The following L3MBTL4 variants were observed in gnomAD, a reference collection of about 807,000 sequenced individuals.
L3MBTL4 encodes the protein lethal(3)malignant brain tumor-like protein 4.
In L3MBTL4, 70 loss-of-function variants were observed where a neutral mutation model predicts 84.5. The observed-to-expected ratio is 0.83, with a 90% CI of 0.68 to 1.01. The LOEUF (loss-of-function observed/expected upper bound fraction) is 1.01, where lower values mean the gene tolerates loss of function less well. L3MBTL4 is among the 50% of genes least tolerant of loss of function. L3MBTL4 has a pLI of 0.00. For missense variants in L3MBTL4, 715 were observed against 754.8 expected, an observed-to-expected ratio of 0.95 and a Z score of 0.62; for synonymous variants, 274 against 259.8, an observed-to-expected ratio of 1.05 and a Z score of -0.52.
chr18:6,181,178 A>G (rs2044455816), intron 12 of L3MBTL4, among the ~76,000 whole-genome samples: 1 of 151,162 alleles, frequency 6.6e-6, no homozygotes, highest in South Asian at 2.1e-4. Flanking sequence ...TTTGCATTTT[A>G]CATTCTTTTT....
chr18:6,021,809 C>T (rs2055283633), intron 16 of L3MBTL4, among the ~76,000 whole-genome samples: 3 of 152,126 alleles, frequency 2.0e-5, no homozygotes, highest in Admixed American at 6.5e-5. Context: ...CCAGCTCTTC[C>T]TGCCTCCCCT....
intron 1 of L3MBTL4, among the ~76,000 whole-genome samples, chr18:6,331,688 AT>A (rs1019317245): frequency 6.6e-6 from 1 of 152,158 alleles, no homozygotes; most frequent in Non-Finnish European, 1.5e-5. Context: ...GATACGAACA[AT>A]TTTTTGGTTT....
intron 5 of L3MBTL4, among the ~76,000 whole-genome samples, chr18:6,245,342 G>A (rs76612695): frequency 0.021 from 3,191 of 152,158 alleles, 118 homozygotes; most frequent in African/African-American, 0.074. Flanking sequence ...ATGAAGTTGT[G>A]TGTCCTATGA....
intron 16 of L3MBTL4, among the ~76,000 whole-genome samples, chr18:5,975,545 C>T (rs1042311136): frequency 6.6e-6 from 1 of 152,184 alleles, no homozygotes; most frequent in African/African-American, 2.4e-5. Flanking sequence ...CAGCTGGGAA[C>T]GTTGTTTTCT....
At chr18:6,159,505 G>A (rs879423159) in intron 13 of L3MBTL4, among the ~76,000 whole-genome samples, 2 of 152,118 alleles carry the variant, frequency 1.3e-5, no homozygotes, top group Admixed American at 6.5e-5. Context: ...AAGATGAATC[G>A]AAACACCTCT....
chr18:6,039,332 C>T (rs1362053133), intron 16 of L3MBTL4, among the ~76,000 whole-genome samples: 1 of 152,052 alleles, frequency 6.6e-6, no homozygotes, highest in Non-Finnish European at 1.5e-5. Flanking sequence ...ATTTTCTCTG[C>T]TTTTAAAAAG....
chr18:6,366,973 C>A (rs952593602), intron 1 of L3MBTL4, among the ~76,000 whole-genome samples: 9 of 152,198 alleles, frequency 5.9e-5, no homozygotes, highest in African/African-American at 2.2e-4. Flanking sequence ...CTGGCAGTGA[C>A]CTGACTCACC....
intron 10 of L3MBTL4, among the ~76,000 whole-genome samples, chr18:6,221,514 T>C (rs1219308693): frequency 2.0e-5 from 3 of 152,178 alleles, no homozygotes; most frequent in Non-Finnish European, 2.9e-5. Flanking sequence ...AAGTGAGACC[T>C]GGCATTTTAA....
intron 10 of L3MBTL4, among the ~76,000 whole-genome samples, 181 bp downstream of exon 10, chr18:6,237,783 G>T (rs534389981): frequency 6.6e-6 from 1 of 151,988 alleles, no homozygotes; most frequent in Non-Finnish European, 1.5e-5. Context: ...AACACAGTTC[G>T]TCTTCATTAT....
In L3MBTL4 at chr18:6,351,645, G is replaced by A. The variant is rs550238599; in HGVS notation, c.-90-39589C>T. Among the ~76,000 whole-genome samples, 10 of 151,868 alleles carry A rather than the reference G, an allele frequency of 6.6e-5. No individual in the cohort carries two copies. The South Asian group carries it at 2.1e-3, about 32-fold the overall frequency. On this transcript the variant is annotated intron_variant, in intron 1 of 18. Transcript: ENST00000317931. ...CGGCTCACTGCAAGCTCCGCCTCCC[G>A]GGTTCACGCCATTCTCCTGCCTCAG...
At chr18:6,259,669 T>C (rs1258141483) in intron 5 of L3MBTL4, 3 of 152,168 alleles carry the variant, frequency 2.0e-5, no homozygotes, top group Admixed American at 1.3e-4. Flanking sequence ...TAGTTCCTTA[T>C]AGATTCTGGA....
At chr18:6,211,992 C>T (rs1446916859) in intron 12 of L3MBTL4, among the ~76,000 whole-genome samples, 1 of 152,082 alleles carries the variant, frequency 6.6e-6, no homozygotes, top group Non-Finnish European at 1.5e-5. Flanking sequence ...ACTGAATTAA[C>T]AAAGCAATTA....
At chr18:6,021,107 C>G (rs1489085825) in intron 16 of L3MBTL4, among the ~76,000 whole-genome samples, 1 of 152,206 alleles carries the variant, frequency 6.6e-6, no homozygotes, top group Non-Finnish European at 1.5e-5. Flanking sequence ...AATGGTCTCA[C>G]CGGGCCCAAC....
intron 4 of L3MBTL4, among the ~76,000 whole-genome samples, chr18:6,294,592 G>A (rs3859416): frequency 5.9e-5 from 9 of 152,204 alleles, no homozygotes; most frequent in South Asian, 2.1e-4. Flanking sequence ...AGCAGGAGAC[G>A]GTGTCTGGCC....
intron 5 of L3MBTL4, among the ~76,000 whole-genome samples, chr18:6,254,260 G>A (rs2146272479): frequency 6.6e-6 from 1 of 152,228 alleles, no homozygotes; most frequent in African/African-American, 2.4e-5. Flanking sequence ...CCTTCAAGGG[G>A]ATTTGTCATT....
chr18:6,330,695 A>G (rs908072637), intron 1 of L3MBTL4, among the ~76,000 whole-genome samples: 3 of 152,252 alleles, frequency 2.0e-5, no homozygotes, highest in Admixed American at 6.5e-5. Flanking sequence ...TTGAGGGTCA[A>G]GATTCTACCT....
chr18:5,998,872 T>G (rs1428548441), intron 16 of L3MBTL4, among the ~76,000 whole-genome samples: 1 of 152,218 alleles, frequency 6.6e-6, no homozygotes, highest in Non-Finnish European at 1.5e-5. Context: ...GTCTCTGCCT[T>G]CAGGCTCCTC....
At chr18:6,183,132 CTAATAGAATCCCCAGGGTTT>C (rs2044555735) in intron 12 of L3MBTL4, among the ~76,000 whole-genome samples, 1 of 152,130 alleles carries the variant, frequency 6.6e-6, no homozygotes, top group African/African-American at 2.4e-5. Context: ...TGCCAAATTT[CTAATAGAATCCCCAGGGTTT>C]TAATTCTTGT....
intron 16 of L3MBTL4, among the ~76,000 whole-genome samples, chr18:6,067,782 C>T (rs566104439): frequency 1.2e-3 from 177 of 152,160 alleles, no homozygotes; most frequent in Non-Finnish European, 1.8e-3. Flanking sequence ...AATTCTTTAT[C>T]TGGTATTTCA....
Sources: gnomAD v4.1 joint callset for allele counts (sites outside exome capture counted in the v4.1 genomes callset) on GRCh38, gnomAD v4.1.1 for gene constraint, MANE v1.5 for transcripts, NCBI Gene and HGNC (gene_info 2026-07-23, HGNC 2026-07-21) for gene names.